The following ITFG1 variants were observed in gnomAD, a reference collection of about 807,000 sequenced individuals.
ITFG1 encodes integrin alpha FG-GAP repeat containing 1, also known as T-cell immunomodulatory protein.
A neutral mutation model predicts 81.8 loss-of-function variants in ITFG1; 34 were observed. The ratio of observed to expected loss-of-function variants is 0.42; its 90% CI spans 0.32 to 0.55. ITFG1 has a LOEUF of 0.55. Ranked by LOEUF, ITFG1 falls within the 20% of genes least tolerant of loss-of-function variation. ITFG1 has a pLI of 0.17. For synonymous variants in ITFG1, 285 were observed against 270.6 expected, an observed-to-expected ratio of 1.05 and a Z score of -0.52; for missense variants, 672 against 755.4, an observed-to-expected ratio of 0.89 and a Z score of 1.29.
At chr16:47,445,111 T>TAAAAAAAA (rs61015312) in intron 5 of ITFG1, among the ~76,000 whole-genome samples, 1 of 131,918 alleles carries the variant, frequency 7.6e-6, no homozygotes. Context: ...AAATGTACAT[T>TAAAAAAAA]AAAAAAAAAA....
At chr16:47,184,208 G>A (rs946217496) in intron 14 of ITFG1, among the ~76,000 whole-genome samples, 1 of 152,202 alleles carries the variant, frequency 6.6e-6, no homozygotes, top group African/African-American at 2.4e-5. Flanking sequence ...CATTCTGCAG[G>A]ATATTATCCA....
In ITFG1 at chr16:47,163,944, C is replaced by T. The variant is rs866899364; in HGVS notation, c.1454-1280G>A. Among the ~76,000 whole-genome samples the T allele has an allele frequency of 2.3e-3, 338 of 149,526 alleles. 1 individual carries two copies. Among genetic ancestry groups the T allele is most frequent in the African/African-American group, 8.0e-3 (312 of 39,198 alleles). ...ACACACACACACACACACACACACACACACACACATACACACACACACACA... is the reference window on the plus strand; with the variant it reads ...ACACACACACACACACACACACACATACACACACATACACACACACACACA... On this transcript the variant is annotated intron_variant, in intron 14 of 17. Coordinates refer to ENST00000320640, the MANE Select transcript of ITFG1 (RefSeq NM_030790.5).
At chr16:47,457,377 C>A (rs1448390032) in intron 2 of ITFG1, among the ~76,000 whole-genome samples, 1 of 151,104 alleles carries the variant, frequency 6.6e-6, no homozygotes, top group African/African-American at 2.4e-5. Context: ...TACATAGACA[C>A]CACATGGTTA....
At chr16:47,174,716 C>T (rs1308914865) in intron 14 of ITFG1, among the ~76,000 whole-genome samples, 3 of 152,148 alleles carry the variant, frequency 2.0e-5, no homozygotes. Context: ...GACAGGGTTT[C>T]ACCATGTTGG....
rs764921477 is a variant in ITFG1, at chr16:47,460,998, C to G, written c.48G>C (p.Pro16=). 1.3e-6 allele frequency: 2 copies of G among 1,569,596 alleles called. No individual in the cohort carries two copies. The highest frequency in any genetic ancestry group is 1.9e-5 in the Admixed American group (1 of 53,662). Residue 16 remains proline (P), a synonymous_variant, in exon 1 of 18, where the codon CCG becomes CCC. Coordinates refer to ENST00000320640, the MANE Select transcript of ITFG1 (RefSeq NM_030790.5). Reference sequence around the variant, plus strand: ...CCAGTAGTGCAAGCCCTGCGAGGAGCGGCGAGAAGAGGGCCCAGGAGCTCG... The same window carrying G: ...CCAGTAGTGCAAGCCCTGCGAGGAGGGGCGAGAAGAGGGCCCAGGAGCTCG... ...RLPSSWALFS[P]LLAGLALLGV...
intron 10 of ITFG1, among the ~76,000 whole-genome samples, chr16:47,294,050 A>C (rs1295959444): frequency 6.6e-6 from 1 of 152,022 alleles, no homozygotes; most frequent in African/African-American, 2.4e-5. Context: ...ATATGGTGAG[A>C]TATAGGGGTC....
At chr16:47,369,833 CTTTTTT>C (rs71134539) in intron 7 of ITFG1, among the ~76,000 whole-genome samples, 2 of 51,708 alleles carry the variant, frequency 3.9e-5, no homozygotes, top group African/African-American at 1.6e-4. Context: ...TCAATATCCT[CTTTTTT>C]TTTTTTTTTT....
intron 10 of ITFG1, among the ~76,000 whole-genome samples, chr16:47,261,251 T>C (rs994474444): frequency 1.4e-4 from 22 of 152,222 alleles, no homozygotes; most frequent in Admixed American, 5.9e-4. Flanking sequence ...ATTCTGGAGC[T>C]AGATTACCTA....
chr16:47,206,113 A>G (rs1433085049), intron 14 of ITFG1, among the ~76,000 whole-genome samples: 1 of 151,860 alleles, frequency 6.6e-6, no homozygotes, highest in Non-Finnish European at 1.5e-5. Flanking sequence ...TGATCCACCC[A>G]CCTCGGCTTC....
intron 6 of ITFG1, among the ~76,000 whole-genome samples, chr16:47,405,218 G>C (rs1054766619): frequency 6.6e-6 from 1 of 152,086 alleles, no homozygotes; most frequent in Non-Finnish European, 1.5e-5. Context: ...AGATCAATCT[G>C]GTATACACAG....
intron 14 of ITFG1, among the ~76,000 whole-genome samples, chr16:47,168,725 G>A (rs1013686392): frequency 6.6e-6 from 1 of 151,886 alleles, no homozygotes; most frequent in African/African-American, 2.4e-5. Context: ...TTACATTTTT[G>A]CAGAATCTAA....
intron 6 of ITFG1, among the ~76,000 whole-genome samples, chr16:47,409,404 ATTTT>A (rs1187071917): frequency 4.9e-4 from 3 of 6,096 alleles, no homozygotes; most frequent in African/African-American, 1.1e-3. Flanking sequence ...ATATATATAT[ATTTT>A]TTTTTTTTTT....
At chr16:47,357,578 G>A (rs954826831) in intron 8 of ITFG1, among the ~76,000 whole-genome samples, 3 of 137,430 alleles carry the variant, frequency 2.2e-5, no homozygotes, top group East Asian at 2.1e-4. Context: ...TCATGCCACC[G>A]CACTCCAGCC....
At position 47,311,245 on chromosome 16, in the gene ITFG1, A is replaced by G. The variant is rs1259074372; in HGVS notation, c.1065T>C (p.Ser355=). 1.2e-6 allele frequency: 2 copies of G among 1,603,128 alleles called. No homozygotes were observed. ...ACTTGATTTAATTTCCTTACCTTCCAGATGTGTTCTTTAGTATGACCAGAG... is the reference window on the plus strand; with the variant it reads ...ACTTGATTTAATTTCCTTACCTTCCGGATGTGTTCTTTAGTATGACCAGAG... ...PDALVILKNT[S]GSNQQAFLLE... Residue 355 remains serine (S), a synonymous_variant, in exon 10 of 18, where the codon TCT becomes TCC. Coordinates refer to ENST00000320640, the MANE Select transcript of ITFG1 (RefSeq NM_030790.5).
intron 10 of ITFG1, among the ~76,000 whole-genome samples, chr16:47,282,724 G>T (rs1966463064): frequency 6.6e-6 from 1 of 152,048 alleles, no homozygotes; most frequent in Non-Finnish European, 1.5e-5. Context: ...GCAAATAAGT[G>T]GCCCCTTTTC....
intron 14 of ITFG1, among the ~76,000 whole-genome samples, chr16:47,216,803 AGGCGACCGCCACCACGT>A (rs1472207655): frequency 6.6e-6 from 1 of 151,894 alleles, no homozygotes; most frequent in Non-Finnish European, 1.5e-5. Flanking sequence ...CTGGAATTAC[AGGCGACCGCCACCACGT>A]GCAGCTTTTG....
chr16:47,315,514 A>T (rs1967339815), intron 8 of ITFG1, among the ~76,000 whole-genome samples: 1 of 152,060 alleles, frequency 6.6e-6, no homozygotes, highest in Non-Finnish European at 1.5e-5. Context: ...CTCATATTAG[A>T]ATCTTATTCA....
At chr16:47,187,417 T>C (rs1965235254) in intron 14 of ITFG1, among the ~76,000 whole-genome samples, 2 of 151,892 alleles carry the variant, frequency 1.3e-5, no homozygotes, top group Admixed American at 1.3e-4. Flanking sequence ...AACAGAGATA[T>C]AGATCAATGG....
chr16:47,215,650 C>T (rs1404194371), intron 14 of ITFG1, among the ~76,000 whole-genome samples: 1 of 152,090 alleles, frequency 6.6e-6, no homozygotes, highest in Non-Finnish European at 1.5e-5. Flanking sequence ...ATATATTTTT[C>T]CTACACACAG....
Sources: allele counts gnomAD v4.1 joint callset (sites outside exome capture counted in the v4.1 genomes callset), GRCh38; gene constraint gnomAD v4.1.1; transcripts MANE v1.5; gene names NCBI Gene and HGNC (gene_info 2026-07-23, HGNC 2026-07-21).